The following PRR16 variants were observed in gnomAD, a reference collection of about 807,000 sequenced individuals.
PRR16 encodes proline rich 16, also known as protein Largen.
PRR16 carries 6 observed loss-of-function variants against 18.2 expected under a neutral mutation model. The ratio of observed to expected loss-of-function variants is 0.33; its 90% CI spans 0.18 to 0.65. The LOEUF (loss-of-function observed/expected upper bound fraction) is 0.65, where lower values mean the gene tolerates loss of function less well. PRR16 is among the 30% of genes least tolerant of loss of function. The pLI, the probability that PRR16 is intolerant of heterozygous loss-of-function variation, is 0.74. For synonymous variants in PRR16, 151 were observed against 147.8 expected (o/e 1.02, Z -0.16); for missense variants, 412 against 376.6 (o/e 1.09, Z -0.78).
At chr5:120,498,155 G>T (rs7728098) in intron 1 of PRR16, among the ~76,000 whole-genome samples, 41,157 of 150,670 alleles carry the variant, frequency 0.27, 6,918 homozygotes, top group African/African-American at 0.48. Context: ...ATTTTTAGAA[G>T]TTTATTTTTA....
At chr5:120,514,559 C>A (rs575263486) in intron 1 of PRR16, among the ~76,000 whole-genome samples, 1 of 152,306 alleles carries the variant, frequency 6.6e-6, no homozygotes, top group East Asian at 1.9e-4. Context: ...TACTTTGCTG[C>A]TTAGATATTT....
chr5:120,549,791 T>C (rs1381972044), intron 1 of PRR16, among the ~76,000 whole-genome samples: 1 of 152,070 alleles, frequency 6.6e-6, no homozygotes, highest in African/African-American at 2.4e-5. Context: ...AACAAATGCT[T>C]TTGGAACACG....
chr5:120,761,767 T>C, the PRR16 span, among the ~76,000 whole-genome samples: 1 of 152,124 alleles, frequency 6.6e-6, no homozygotes, highest in Non-Finnish European at 1.5e-5. Context: ...AATATATTGT[T>C]GTTAACAATA....
At chr5:120,531,378 C>T (rs1428748069) in intron 1 of PRR16, 1 of 152,056 alleles carries the variant, frequency 6.6e-6, no homozygotes, top group Non-Finnish European at 1.5e-5. Flanking sequence ...TTCGGGGAAG[C>T]TTGCTGGCTT....
At position 120,608,905 on chromosome 5, in the gene PRR16, C is replaced by A. The variant is rs140244045; in HGVS notation, c.160-77049C>A. Among the ~76,000 whole-genome samples, 921 of 152,122 alleles carry A rather than the reference C, an allele frequency of 6.1e-3. 9 individuals carry two copies. The highest frequency in any genetic ancestry group is 0.042 in the South Asian group (203 of 4,810). On this transcript the variant is annotated intron_variant, in intron 1 of 1. Transcript: ENST00000407149. ...TCCTTTATACTTCGGTCTTCATTTC[C>A]TTTATACTTCTTTCAGAATCAGAAA...
intron 1 of PRR16, among the ~76,000 whole-genome samples, chr5:120,643,263 T>C (rs1755482341): frequency 1.3e-5 from 2 of 152,104 alleles, no homozygotes; most frequent in South Asian, 4.1e-4. Flanking sequence ...TGTGAGATTT[T>C]CTTTTTAGCT....
chr5:120,743,447 T>C, the PRR16 span, among the ~76,000 whole-genome samples: 1 of 152,156 alleles, frequency 6.6e-6, no homozygotes, highest in Admixed American at 6.5e-5. Context: ...GTTGGTGTAA[T>C]AGTGTTGGGT....
In PRR16 at chr5:120,475,572, T is replaced by C. The variant is rs923232708; in HGVS notation, c.159+10927T>C. On this transcript the variant is annotated intron_variant, in intron 1 of 1. Transcript: ENST00000407149. ...GGGCAACAGAGCAAGACCCTGTTTCTATAAGAAATGAAAAATAAGCTGGGT... is the reference window on the plus strand; with the variant it reads ...GGGCAACAGAGCAAGACCCTGTTTCCATAAGAAATGAAAAATAAGCTGGGT... Among the ~76,000 whole-genome samples the C allele has an allele frequency of 2.6e-5, 4 of 152,102 alleles. No individual in the cohort carries two copies. The South Asian group carries it at 8.3e-4, about 32-fold the overall frequency.
the PRR16 span, among the ~76,000 whole-genome samples, chr5:120,783,338 C>A: frequency 6.6e-6 from 1 of 152,044 alleles, no homozygotes; most frequent in African/African-American, 2.4e-5. Context: ...ATGACTTTTT[C>A]TAATTCAATC....
intron 1 of PRR16, among the ~76,000 whole-genome samples, chr5:120,489,939 G>A (rs1749965163): frequency 6.6e-6 from 1 of 152,102 alleles, no homozygotes. Flanking sequence ...ATGAAATTCT[G>A]GGTTGAAAAT....
intron 1 of PRR16, among the ~76,000 whole-genome samples, chr5:120,598,572 T>TC (rs1240507017): frequency 6.6e-6 from 1 of 151,862 alleles, no homozygotes; most frequent in Non-Finnish European, 1.5e-5. Context: ...CAGCCCTGCC[T>TC]CCCTCCAACA....
At chr5:120,680,055 A>G (rs573258359) in intron 1 of PRR16, among the ~76,000 whole-genome samples, 7 of 152,278 alleles carry the variant, frequency 4.6e-5, no homozygotes, top group African/African-American at 1.7e-4. Context: ...CATTCGTTCC[A>G]CTGAAGAAAC....
chr5:120,650,409 T>C (rs1437780049), intron 1 of PRR16, among the ~76,000 whole-genome samples: 2 of 151,670 alleles, frequency 1.3e-5, no homozygotes, highest in African/African-American at 2.4e-5. Flanking sequence ...ACATGTGCCA[T>C]GTTGGTGTGC....
At chr5:120,719,003 T>G in the PRR16 span, among the ~76,000 whole-genome samples, 1 of 151,900 alleles carries the variant, frequency 6.6e-6, no homozygotes, top group Non-Finnish European at 1.5e-5. Context: ...AGGAGAAGAT[T>G]AGAGGACAGA....
intron 1 of PRR16, among the ~76,000 whole-genome samples, chr5:120,507,602 T>A (rs1750687581): frequency 6.6e-6 from 1 of 152,166 alleles, no homozygotes; most frequent in African/African-American, 2.4e-5. Flanking sequence ...TTTGTATATA[T>A]AAAGCCTGAA....
chr5:120,768,493 C>CT, the PRR16 span, among the ~76,000 whole-genome samples: 2 of 151,456 alleles, frequency 1.3e-5, no homozygotes, highest in African/African-American at 4.8e-5. Flanking sequence ...CCGACTTTGT[C>CT]TCTAATTGAT....
At chr5:120,760,635 C>T in the PRR16 span, among the ~76,000 whole-genome samples, 4 of 138,650 alleles carry the variant, frequency 2.9e-5, no homozygotes, top group African/African-American at 1.0e-4. Flanking sequence ...GAGACTTTAC[C>T]TAATAAATAC....
chr5:120,712,118 A>G, the PRR16 span, among the ~76,000 whole-genome samples: 1 of 152,164 alleles, frequency 6.6e-6, no homozygotes, highest in Non-Finnish European at 1.5e-5. Context: ...GAGGTATACA[A>G]CATGATGTTT....
At chr5:120,562,171 G>A (rs1345992852) in intron 1 of PRR16, among the ~76,000 whole-genome samples, 1 of 151,976 alleles carries the variant, frequency 6.6e-6, no homozygotes, top group Non-Finnish European at 1.5e-5. Flanking sequence ...AGTGTTGGGT[G>A]GATATATATT....
Sources: allele counts gnomAD v4.1 joint callset (sites outside exome capture counted in the v4.1 genomes callset), GRCh38; gene constraint gnomAD v4.1.1; transcripts MANE v1.5; gene names NCBI Gene and HGNC (gene_info 2026-07-23, HGNC 2026-07-21).